The following TYW1 variants were observed in gnomAD, a reference collection of about 807,000 sequenced individuals.
TYW1 encodes the protein S-adenosyl-L-methionine-dependent tRNA 4-demethylwyosine synthase TYW1.
In TYW1, 46 loss-of-function variants were observed where a neutral mutation model predicts 96.2. The observed-to-expected ratio is 0.48, with a 90% confidence interval of 0.38 to 0.61. The LOEUF is 0.61. Ranked by LOEUF, TYW1 falls within the 20% of genes least tolerant of loss-of-function variation. The pLI, the probability that TYW1 is intolerant of heterozygous loss-of-function variation, is 0.00. For synonymous variants in TYW1, 274 were observed against 323.0 expected (o/e 0.85, Z 1.63); for missense variants, 684 against 909.6 (o/e 0.75, Z 3.19).
chr7:67,073,634 C>T (rs947837179), intron 10 of TYW1, among the ~76,000 whole-genome samples: 7 of 150,762 alleles, frequency 4.6e-5, no homozygotes, highest in Non-Finnish European at 8.9e-5. Flanking sequence ...ATTAGCTGGG[C>T]GTGGTGGCAG....
chr7:67,175,728 A>G (rs1416031918), intron 13 of TYW1, among the ~76,000 whole-genome samples: 2 of 152,224 alleles, frequency 1.3e-5, no homozygotes, highest in Non-Finnish European at 2.9e-5. Flanking sequence ...ACAGAAATCA[A>G]TATTTATTTA....
chr7:67,074,947 C>T (rs1660303243), intron 10 of TYW1, among the ~76,000 whole-genome samples: 1 of 152,104 alleles, frequency 6.6e-6, no homozygotes, highest in African/African-American at 2.4e-5. Flanking sequence ...ATTCTCCTGC[C>T]TCAGCCTTCC....
intron 7 of TYW1, among the ~76,000 whole-genome samples, chr7:67,048,974 A>G (rs1795276342): frequency 6.6e-6 from 1 of 152,256 alleles, no homozygotes; most frequent in Non-Finnish European, 1.5e-5. Context: ...AGATCGTGCC[A>G]TTGCACTCTG....
chr7:67,197,597 AT>A (rs1800442396), intron 15 of TYW1, among the ~76,000 whole-genome samples: 1 of 152,184 alleles, frequency 6.6e-6, no homozygotes, highest in South Asian at 2.1e-4. Context: ...AAGTGCTGGG[AT>A]TACAGGCATG....
Position 67,225,261 on chromosome 7 carries a change from C to T in TYW1, c.1978-13047C>T, listed in dbSNP as rs535555882. 1.9e-3 allele frequency among the ~76,000 whole-genome samples: 292 copies of T among 151,178 alleles called. 1 individual carries two copies. Among genetic ancestry groups the T allele is most frequent in the African/African-American group, 6.4e-3 (263 of 41,156 alleles). ...AAGTAGGACACGACTAGAATTCAAT[C>T]CCAAGTGTTTCCAAATACAAAGCCT... On this transcript the variant is annotated intron_variant, in intron 15 of 15. Coordinates refer to ENST00000359626, the MANE Select transcript of TYW1 (RefSeq NM_018264.4).
At chr7:67,224,454 A>G (rs1484107533) in intron 15 of TYW1, among the ~76,000 whole-genome samples, 3 of 152,172 alleles carry the variant, frequency 2.0e-5, no homozygotes, top group Non-Finnish European at 4.4e-5. Flanking sequence ...GTCCTCGTAC[A>G]TACCACTTTC....
intron 7 of TYW1, among the ~76,000 whole-genome samples, chr7:67,041,496 C>T (rs541313242): frequency 7.9e-5 from 12 of 152,094 alleles, no homozygotes; most frequent in South Asian, 2.1e-4. Context: ...GACAGTGCCT[C>T]GCCATGTTGG....
chr7:67,042,456 A>G (rs1021091894), intron 7 of TYW1, among the ~76,000 whole-genome samples: 5 of 152,134 alleles, frequency 3.3e-5, no homozygotes, highest in African/African-American at 9.7e-5. Context: ...TGGGAGGAAT[A>G]GGGTGTTAGG....
intron 4 of TYW1, among the ~76,000 whole-genome samples, chr7:67,013,286 C>T (rs995000793): frequency 1.3e-5 from 2 of 151,840 alleles, no homozygotes; most frequent in Admixed American, 6.6e-5. Flanking sequence ...CCACGCTTGC[C>T]TAGTTTTTGT....
At chr7:67,184,791 T>C (rs2116312453) in intron 14 of TYW1, among the ~76,000 whole-genome samples, 1 of 151,766 alleles carries the variant, frequency 6.6e-6, no homozygotes, top group African/African-American at 2.4e-5. Context: ...CACTGAAACC[T>C]CCGCCTCCCG....
chr7:67,007,931 G>A (rs774839634), intron 3 of TYW1, among the ~76,000 whole-genome samples: 3 of 152,022 alleles, frequency 2.0e-5, no homozygotes, highest in Non-Finnish European at 4.4e-5. Flanking sequence ...CACCACGCCT[G>A]GCCAACCTGT....
At chr7:67,009,794 G>A (rs1370005330) in intron 4 of TYW1, 110 bp downstream of exon 4, 6 of 1,005,616 alleles carry the variant, frequency 6.0e-6, no homozygotes, top group Non-Finnish European at 7.2e-6. Context: ...TTTAATTTTC[G>A]TGCTAAGGGA....
rs902742851 is a variant in TYW1, at chr7:67,056,256, G to T, written c.1155+369G>T. ...GCCTGTAATCCTAGCACTTTCGGAG[G>T]CCAGGTGGGCGGATCATTTGAGGTC... On this transcript the variant is annotated intron_variant, in intron 9 of 15. Transcript: ENST00000359626. 3.3e-5 allele frequency among the ~76,000 whole-genome samples: 5 copies of T among 152,240 alleles called. No individual in the cohort carries two copies. In the East Asian group the frequency reaches 9.7e-4, roughly 29 times the overall value.
chr7:67,067,105 A>G, intron 9 of TYW1, 180 bp from the exon 10 acceptor site: 1 of 661,776 alleles, frequency 1.5e-6, no homozygotes, highest in South Asian at 1.9e-5. Context: ...GCTTTAGTAA[A>G]AACCCAAAGC....
At chr7:67,032,296 G>C (rs1794694213) in intron 7 of TYW1, among the ~76,000 whole-genome samples, 1 of 152,022 alleles carries the variant, frequency 6.6e-6, no homozygotes, top group Non-Finnish European at 1.5e-5. Context: ...TAGGGTTTGG[G>C]AGCAGCTGCG....
At chr7:67,080,374 C>G (rs1381067883) in intron 10 of TYW1, among the ~76,000 whole-genome samples, 1 of 148,928 alleles carries the variant, frequency 6.7e-6, no homozygotes, top group African/African-American at 2.5e-5. Flanking sequence ...TCTATTTTAT[C>G]TTATACAAGG....
chr7:67,130,625 C>T (rs1798042080), intron 13 of TYW1, among the ~76,000 whole-genome samples: 1 of 151,572 alleles, frequency 6.6e-6, no homozygotes, highest in South Asian at 2.1e-4. Context: ...GATCATGCCC[C>T]TGCACTCCAG....
intron 13 of TYW1, among the ~76,000 whole-genome samples, chr7:67,121,164 A>C (rs1797748089): frequency 1.3e-5 from 2 of 152,188 alleles, no homozygotes; most frequent in South Asian, 4.1e-4. Context: ...TGCTATTAAG[A>C]AAGATTTGTT....
chr7:67,023,106 CT>C (rs570456646), intron 6 of TYW1, among the ~76,000 whole-genome samples: 1 of 151,648 alleles, frequency 6.6e-6, no homozygotes, highest in African/African-American at 2.4e-5. Context: ...TTTTTCTTTT[CT>C]TTTTTTTGAG....
Sources: gnomAD v4.1 joint callset for allele counts (sites outside exome capture counted in the v4.1 genomes callset) on GRCh38, gnomAD v4.1.1 for gene constraint, MANE v1.5 for transcripts, NCBI Gene and HGNC (gene_info 2026-07-23, HGNC 2026-07-21) for gene names.